Variants in SPATA17 observed in about 807,000 individuals in gnomAD.
SPATA17 encodes the protein spermatogenesis-associated protein 17.
Under a neutral mutation model 62.2 loss-of-function variants are expected in SPATA17, and 53 were observed. The observed-to-expected ratio is 0.85, with a 90% CI of 0.68 to 1.07. The LOEUF (loss-of-function observed/expected upper bound fraction) is 1.07, where lower values mean the gene tolerates loss of function less well. SPATA17 is among the 50% of genes least tolerant of loss of function. The probability of loss-of-function intolerance (pLI) is 0.00; values close to 1 mark genes in which losing one functional copy is unlikely to be tolerated. For synonymous variants in SPATA17, 146 were observed against 146.8 expected (o/e 0.99, Z 0.04); for missense variants, 466 against 425.5 (o/e 1.10, Z -0.84).
rs1671079410 is a variant in SPATA17 at position 217,681,273 on chromosome 1, G to A, written c.292-1985G>A. 3.3e-5 allele frequency among the ~76,000 whole-genome samples: 5 copies of A among 151,862 alleles called. No homozygotes were observed. In the South Asian group the frequency reaches 1.0e-3, roughly 32 times the overall value. On this transcript the variant is annotated intron_variant, in intron 4 of 10. Transcript: ENST00000366933. ...AAAATAAAATAAAGTTATTTTCTCT[G>A]ATTTACTTGTTCTTGCAAGCTGTTT... is the stretch of plus-strand genomic sequence containing the variant.
At chr1:217,716,417 T>C (rs951153878) in intron 5 of SPATA17, among the ~76,000 whole-genome samples, 7 of 152,204 alleles carry the variant, frequency 4.6e-5, no homozygotes, top group African/African-American at 1.2e-4. Context: ...ACATATCGAC[T>C]CTTCAGAATT....
chr1:217,753,592 G>C (rs904434693), intron 6 of SPATA17, among the ~76,000 whole-genome samples: 18 of 151,470 alleles, frequency 1.2e-4, no homozygotes, highest in Non-Finnish European at 2.4e-4. Context: ...GTATTAAAAA[G>C]AATGAATATA....
intron 5 of SPATA17, among the ~76,000 whole-genome samples, chr1:217,689,718 T>G (rs1470136478): frequency 6.6e-6 from 1 of 152,088 alleles, no homozygotes; most frequent in African/African-American, 2.4e-5. Context: ...CTGAAGTAGC[T>G]TTTCTCTCTA....
intron 4 of SPATA17, among the ~76,000 whole-genome samples, chr1:217,676,745 A>C (rs1466330052): frequency 6.6e-6 from 1 of 152,128 alleles, no homozygotes; most frequent in Non-Finnish European, 1.5e-5. Flanking sequence ...CATGAATGCA[A>C]ATTTCAAGAA....
rs578227295 is a variant in SPATA17 at position 217,821,792 on chromosome 1, C to T, written c.1005+19942C>T. Reference sequence around the variant, plus strand: ...TTAATTTGTCTTTTAAATTAATTTCCCAAAATTTCAGATTCAGAAGTAATG... The same window carrying T: ...TTAATTTGTCTTTTAAATTAATTTCTCAAAATTTCAGATTCAGAAGTAATG... On this transcript the variant is annotated intron_variant, in intron 9 of 10. Coordinates refer to ENST00000366933, the MANE Select transcript of SPATA17 (RefSeq NM_138796.4). Among the ~76,000 whole-genome samples the T allele has an allele frequency of 3.3e-5, 5 of 151,880 alleles. No homozygotes were observed. In the South Asian group the frequency reaches 1.0e-3, roughly 32 times the overall value.
intron 9 of SPATA17, among the ~76,000 whole-genome samples, chr1:217,823,406 T>G (rs1326549964): frequency 2.0e-5 from 3 of 151,892 alleles, no homozygotes; most frequent in African/African-American, 7.3e-5. Context: ...TTTTTAGGAG[T>G]TCCAGTTTTA....
chr1:217,760,036 C>T (rs1321542342), intron 6 of SPATA17, among the ~76,000 whole-genome samples: 2 of 152,084 alleles, frequency 1.3e-5, no homozygotes, highest in Admixed American at 6.5e-5. Context: ...AAGACATATA[C>T]AAGCAACCCA....
chr1:217,637,218 T>C (rs1290896986), intron 1 of SPATA17, among the ~76,000 whole-genome samples: 1 of 152,202 alleles, frequency 6.6e-6, no homozygotes, highest in Non-Finnish European at 1.5e-5. Context: ...AATAATCTTA[T>C]AAGGTTATTT....
At chr1:217,836,508 C>G (rs896773590) in intron 9 of SPATA17, among the ~76,000 whole-genome samples, 1 of 152,082 alleles carries the variant, frequency 6.6e-6, no homozygotes, top group Non-Finnish European at 1.5e-5. Context: ...CTGTCATTTA[C>G]TCTATGACGT....
At chr1:217,728,714 G>A (rs1018957587) in intron 5 of SPATA17, among the ~76,000 whole-genome samples, 19 of 151,798 alleles carry the variant, frequency 1.3e-4, no homozygotes, top group African/African-American at 3.6e-4. Context: ...TCAATAAATA[G>A]GTAAACTGTC....
chr1:217,810,312 A>C (rs1005814097), intron 9 of SPATA17, among the ~76,000 whole-genome samples: 1 of 152,182 alleles, frequency 6.6e-6, no homozygotes, highest in Admixed American at 6.6e-5. Flanking sequence ...TACTTAAGAA[A>C]AATAATCACA....
intron 6 of SPATA17, among the ~76,000 whole-genome samples, chr1:217,768,958 G>T (rs1242826393): frequency 6.6e-6 from 1 of 151,908 alleles, no homozygotes; most frequent in African/African-American, 2.4e-5. Context: ...TTCCACCCCC[G>T]CCACTGAGAA....
intron 9 of SPATA17, among the ~76,000 whole-genome samples, chr1:217,832,133 G>A (rs1002451275): frequency 2.0e-5 from 3 of 151,942 alleles, no homozygotes; most frequent in African/African-American, 4.8e-5. Flanking sequence ...AATGTCCAAA[G>A]GGTAGAAGTA....
intron 5 of SPATA17, among the ~76,000 whole-genome samples, chr1:217,703,174 C>CTTTTTTT (rs1203063860): frequency 3.8e-5 from 4 of 105,512 alleles, no homozygotes; most frequent in South Asian, 3.0e-4. Context: ...TGCGCTCGGC[C>CTTTTTTT]TTTTTTTTTT....
At chr1:217,854,947 T>C (rs552468802) in intron 9 of SPATA17, among the ~76,000 whole-genome samples, 3 of 152,374 alleles carry the variant, frequency 2.0e-5, no homozygotes, top group Non-Finnish European at 4.4e-5. Flanking sequence ...TAGTAGACAC[T>C]GTGCTAAATC....
chr1:217,799,151 T>C (rs562075294), intron 8 of SPATA17, among the ~76,000 whole-genome samples: 83 of 152,256 alleles, frequency 5.5e-4, no homozygotes, highest in Non-Finnish European at 1.1e-3. Context: ...TTATAAAATA[T>C]CTAAATATTT....
At chr1:217,781,788 G>A (rs1673732796) in intron 7 of SPATA17, among the ~76,000 whole-genome samples, 1 of 152,090 alleles carries the variant, frequency 6.6e-6, no homozygotes, top group African/African-American at 2.4e-5. Context: ...GCTATGCTTA[G>A]AATTTTTTCC....
At chr1:217,677,513 T>C (rs969830073) in intron 4 of SPATA17, among the ~76,000 whole-genome samples, 2 of 152,072 alleles carry the variant, frequency 1.3e-5, no homozygotes, top group African/African-American at 4.8e-5. Context: ...AGGTCTTTTA[T>C]ATGCTAGACA....
chr1:217,640,616 T>G (rs1053630138), intron 1 of SPATA17, among the ~76,000 whole-genome samples: 2 of 152,112 alleles, frequency 1.3e-5, no homozygotes, highest in Non-Finnish European at 2.9e-5. Context: ...CATTAAAGTA[T>G]TATTCCTAAT....
Sources: allele counts gnomAD v4.1 joint callset (sites outside exome capture counted in the v4.1 genomes callset), GRCh38; gene constraint gnomAD v4.1.1; transcripts MANE v1.5; gene names NCBI Gene and HGNC (gene_info 2026-07-23, HGNC 2026-07-21).